CNOT10: variants seen among roughly 807,000 people sequenced by gnomAD.
CNOT10 encodes CCR4-NOT transcription complex subunit 10.
Under a neutral mutation model 94.6 loss-of-function variants are expected in CNOT10, and 30 were observed. That is an observed-to-expected ratio of 0.32 (90% confidence interval 0.24 to 0.43). The LOEUF is 0.43. Ranked by LOEUF, CNOT10 falls within the 20% of genes least tolerant of loss-of-function variation. The pLI is 1.00. For synonymous variants in CNOT10, 289 were observed against 301.6 expected, an observed-to-expected ratio of 0.96 and a Z score of 0.43; for missense variants, 759 against 877.2, an observed-to-expected ratio of 0.87 and a Z score of 1.70.
rs1240265389 is a variant in CNOT10, at chr3:32,721,023, T to C, written c.862+792T>C. 2.1e-5 allele frequency among the ~76,000 whole-genome samples: 3 copies of C among 140,694 alleles called. No homozygotes were observed. The East Asian group carries it at 6.8e-4, about 32-fold the overall frequency. 92.3% of individuals were successfully genotyped at this position (140,694 alleles called of 152,430 possible). ...CTTCTGTTCCCTTCCCTCCCTCTCT[T>C]CCTTCCTTCCCTTCCTTCCCTTCCT... On this transcript the variant is annotated intron_variant, in intron 8 of 18. Transcript: ENST00000328834.
At chr3:32,764,879 T>G in intron 17 of CNOT10, 70 bp downstream of exon 17, 1 of 1,580,110 alleles carries the variant, frequency 6.3e-7, no homozygotes, top group Non-Finnish European at 8.6e-7. Flanking sequence ...ATATTTTTTG[T>G]TACTTTGTTT....
At chr3:32,695,654 A>T in intron 1 of CNOT10, 1 of 1,536,092 alleles carries the variant, frequency 6.5e-7, no homozygotes, top group Non-Finnish European at 8.7e-7. Context: ...AAGACTGTCA[A>T]GGTTTGTGGG....
chr3:32,740,283 A>AC (rs1699402902), intron 13 of CNOT10, among the ~76,000 whole-genome samples: 1 of 151,446 alleles, frequency 6.6e-6, no homozygotes, highest in South Asian at 2.1e-4. Flanking sequence ...ATATGGTGAA[A>AC]CCCCATCTCT....
At chr3:32,750,293 G>A (rs1029646323) in intron 13 of CNOT10, among the ~76,000 whole-genome samples, 1 of 151,970 alleles carries the variant, frequency 6.6e-6, no homozygotes, top group African/African-American at 2.4e-5. Flanking sequence ...TCAGGAGTTC[G>A]AGACCAATCT....
intron 10 of CNOT10, among the ~76,000 whole-genome samples, chr3:32,730,037 G>T (rs985478057): frequency 6.6e-6 from 1 of 151,726 alleles, no homozygotes; most frequent in Admixed American, 6.6e-5. Flanking sequence ...CAAAGTGCTG[G>T]GATTACAGGC....
chr3:32,753,674 TAGTG>T (rs1201889799), intron 13 of CNOT10: 2 of 1,581,306 alleles, frequency 1.3e-6, no homozygotes, highest in Non-Finnish European at 1.7e-6. Flanking sequence ...TGGGATAAAT[TAGTG>T]GGTAAAATCA....
At chr3:32,695,178 G>A (rs531504636) in intron 1 of CNOT10, among the ~76,000 whole-genome samples, 1 of 152,268 alleles carries the variant, frequency 6.6e-6, no homozygotes, top group Admixed American at 6.5e-5. Context: ...TCCAGTGGAG[G>A]GAATATGGTT....
intron 13 of CNOT10, chr3:32,752,944 A>G (rs1271589850): frequency 1.6e-5 from 7 of 432,602 alleles, no homozygotes; most frequent in African/African-American, 6.2e-5. Context: ...GCAACTTCCC[A>G]GAGGTTTTTC....
At position 32,733,522 on chromosome 3, in the gene CNOT10, T is replaced by C. The variant is rs779859804; in HGVS notation, c.1315T>C (p.Ser439Pro). The change falls in exon 11 of 19, where the codon TCT (serine) becomes CCT (proline). Residue 439 changes from serine (S) to proline (P), a missense_variant. This residue lies in a region of CNOT10 where 682 missense variants were observed against 799.4 expected (regional missense o/e 0.85). Coordinates refer to ENST00000328834, the MANE Select transcript of CNOT10 (RefSeq NM_015442.3). ...TCGTAAAATAGTTTTGGCATCACAG[T>C]CTATACAGAATACTGTTTATAAGTA... is the stretch of plus-strand genomic sequence containing the variant. ...YHRKIVLASQ[S>P]IQNTVYNDGQ... 6.3e-6 allele frequency: 10 copies of C among 1,592,412 alleles called. No individual in the cohort carries two copies. The highest frequency in any genetic ancestry group is 6.0e-6 in the Non-Finnish European group (7 of 1,162,906).
chr3:32,768,288 A>G (rs866996196), intron 17 of CNOT10, among the ~76,000 whole-genome samples: 1 of 152,204 alleles, frequency 6.6e-6, no homozygotes, highest in African/African-American at 2.4e-5. Context: ...AGATTTTACT[A>G]TCCACAAAAT....
At chr3:32,693,156 C>G (rs780789757) in intron 1 of CNOT10, among the ~76,000 whole-genome samples, 1 of 152,160 alleles carries the variant, frequency 6.6e-6, no homozygotes, top group Non-Finnish European at 1.5e-5. Flanking sequence ...GTTTTCAGAA[C>G]AAGGAGTTGA....
chr3:32,687,887 T>C (rs1016652948), intron 1 of CNOT10, among the ~76,000 whole-genome samples: 3 of 152,232 alleles, frequency 2.0e-5, no homozygotes, highest in Non-Finnish European at 2.9e-5. Context: ...TGAGCCGTAG[T>C]GTCCTTTCTC....
At position 32,727,654 on chromosome 3, in the gene CNOT10, A is replaced by G; in HGVS notation, c.1013-14A>G. The G allele has an allele frequency of 6.5e-7, 1 of 1,544,242 alleles. No homozygotes were observed. Among genetic ancestry groups the G allele is most frequent in the Non-Finnish European group, 9.0e-7 (1 of 1,117,078 alleles). On this transcript the variant is annotated splice_polypyrimidine_tract_variant and intron_variant, in intron 9 of 18. Coordinates refer to ENST00000328834, the MANE Select transcript of CNOT10 (RefSeq NM_015442.3). Reference sequence around the variant, plus strand: ...AAATCTAATGATGTATTCTTATCTAATTTTTATCACTAGGTAAAAAATTTT... The same window carrying G: ...AAATCTAATGATGTATTCTTATCTAGTTTTTATCACTAGGTAAAAAATTTT...
intron 1 of CNOT10, among the ~76,000 whole-genome samples, chr3:32,689,379 A>G (rs1310315134): frequency 1.3e-5 from 2 of 151,568 alleles, no homozygotes; most frequent in African/African-American, 2.4e-5. Flanking sequence ...GAAAAAGAAA[A>G]AAAAGAATAG....
rs890609408 is a variant in CNOT10 at position 32,746,606 on chromosome 3, G to T, written c.1595+9116G>T. Among the ~76,000 whole-genome samples, 4 of 152,208 alleles carry T rather than the reference G, an allele frequency of 2.6e-5. No homozygotes were observed. The South Asian group carries it at 6.2e-4, about 24-fold the overall frequency. ...AATCCCAGCACTTTGGGAGGCCGAG[G>T]TGGGCAGATCATGAGGTCAGGAGAT... On this transcript the variant is annotated intron_variant, in intron 13 of 18. Transcript: ENST00000328834.
intron 1 of CNOT10, among the ~76,000 whole-genome samples, chr3:32,701,218 C>G (rs1371824608): frequency 6.6e-6 from 1 of 151,892 alleles, no homozygotes. Flanking sequence ...GGTGACAGAG[C>G]AAGACTCCAT....
rs1311032130 is a variant in CNOT10 at position 32,772,896 on chromosome 3, C to T, written c.2081-561C>T. 5.3e-5 allele frequency among the ~76,000 whole-genome samples: 8 copies of T among 152,100 alleles called. 1 individual carries two copies. The highest frequency in any genetic ancestry group is 2.4e-5 in the African/African-American group (1 of 41,430). On this transcript the variant is annotated intron_variant, in intron 18 of 18. Coordinates refer to ENST00000328834, the MANE Select transcript of CNOT10 (RefSeq NM_015442.3). ...TTTTGTTTGTCTTGAGACAGGGTCT[C>T]ACTTTGTCACCCAGGCTGGAATGTA...
chr3:32,740,945 AT>A (rs1699436959), intron 13 of CNOT10, among the ~76,000 whole-genome samples: 1 of 151,882 alleles, frequency 6.6e-6, no homozygotes. Flanking sequence ...GCCTCAAGCA[AT>A]CCTCCCACCT....
intron 13 of CNOT10, among the ~76,000 whole-genome samples, chr3:32,746,077 A>G (rs1203605310): frequency 1.3e-5 from 2 of 152,252 alleles, no homozygotes; most frequent in Non-Finnish European, 2.9e-5. Context: ...CGCATAAGGT[A>G]TCTACTGTGT....
Sources: gnomAD v4.1 joint callset for allele counts (sites outside exome capture counted in the v4.1 genomes callset) on GRCh38, gnomAD v4.1.1 for gene constraint, gnomAD v4.1.1 regional missense constraint, MANE v1.5 for transcripts, NCBI Gene and HGNC (gene_info 2026-07-23, HGNC 2026-07-21) for gene names.